Variants in SF3B1 observed in about 807,000 individuals in gnomAD.
SF3B1 encodes splicing factor 3b subunit 1.
Under a neutral mutation model 153.8 loss-of-function variants are expected in SF3B1, and 12 were observed. That is an observed-to-expected ratio of 0.08 (90% CI 0.05 to 0.13). The LOEUF is 0.13. Among genes scored for constraint, SF3B1 ranks in the 10% least tolerant of loss-of-function variants. The probability of loss-of-function intolerance (pLI) is 1.00; values close to 1 mark genes in which losing one functional copy is unlikely to be tolerated. For missense variants in SF3B1, 513 were observed against 1,606.1 expected (o/e 0.32, Z 11.63); for synonymous variants, 498 against 525.2 (o/e 0.95, Z 0.71).
intron 1 of SF3B1, among the ~76,000 whole-genome samples, chr2:197,434,532 T>C (rs925428513): frequency 5.3e-5 from 8 of 152,138 alleles, no homozygotes; most frequent in Non-Finnish European, 8.8e-5. Flanking sequence ...GGAATCTCGG[T>C]TTAACCAAAT....
At chr2:197,412,640 G>A (rs2085087743) in intron 6 of SF3B1, among the ~76,000 whole-genome samples, 1 of 151,592 alleles carries the variant, frequency 6.6e-6, no homozygotes, top group Non-Finnish European at 1.5e-5. Context: ...ACAGGCGTGA[G>A]CCACCGCGTC....
rs184750255 is a variant in SF3B1, at chr2:197,394,652, T to A, written c.3539+1404A>T. ...CGGGCACGGTGGCTCACGCCTGTAA[T>A]CCCAGCACTTTGGGATGCCAAGGCG... On this transcript the variant is annotated intron_variant, in intron 23 of 24. Coordinates refer to ENST00000335508, the MANE Select transcript of SF3B1 (RefSeq NM_012433.4). Among the ~76,000 whole-genome samples the A allele has an allele frequency of 4.1e-3, 619 of 152,320 alleles. 19 individuals carry two copies. The highest frequency in any genetic ancestry group is 0.036 in the Admixed American group (549 of 15,302).
intron 1 of SF3B1, among the ~76,000 whole-genome samples, chr2:197,425,494 T>C (rs1314303497): frequency 6.6e-6 from 1 of 151,232 alleles, no homozygotes; most frequent in East Asian, 2.0e-4. Context: ...ATAAATCAAA[T>C]AAAAAATAAA....
chr2:197,426,464 G>T (rs1002538662), intron 1 of SF3B1, among the ~76,000 whole-genome samples: 3 of 151,844 alleles, frequency 2.0e-5, no homozygotes, highest in Admixed American at 2.0e-4. Flanking sequence ...CCCAGCTTCA[G>T]GCTTTTTTTT....
intron 4 of SF3B1, chr2:197,418,902 G>A (rs772115505): frequency 1.3e-5 from 21 of 1,594,738 alleles, no homozygotes; most frequent in East Asian, 2.3e-5. Flanking sequence ...GTACACTTTC[G>A]TGCCTTTGTC....
intron 6 of SF3B1, among the ~76,000 whole-genome samples, chr2:197,414,831 C>A (rs192595320): frequency 1.3e-5 from 2 of 152,092 alleles, no homozygotes; most frequent in African/African-American, 2.4e-5. Flanking sequence ...ATGGTGAGAC[C>A]CGTTTCTACA....
rs1399160335 is a variant in SF3B1, at chr2:197,391,661, A to T, written c.*642T>A. 1 of 152,278 alleles carries T rather than the reference A, an allele frequency of 6.6e-6. No homozygotes were observed. 9.4% of individuals were successfully genotyped at this position (152,278 alleles called of 1,614,324 possible). A position where few individuals can be genotyped will look rare whatever the true frequency, so the allele number is the denominator to read the frequency against. On this transcript the variant is annotated 3_prime_UTR_variant, in exon 25 of 25. Transcript: ENST00000335508. ...ATGTGTTCATAAAGCATTTTGAGAA[A>T]TCAAGAGATGAAAGGCGCTATGTAA...
chr2:197,420,165 G>C (rs1574547758), intron 4 of SF3B1: 1 of 383,014 alleles, frequency 2.6e-6, no homozygotes, highest in Non-Finnish European at 4.8e-6. Flanking sequence ...CAAAACAAAA[G>C]TAAAAGTAAA....
At position 197,422,174 on chromosome 2, in the gene SF3B1, AC is replaced by A. The variant is rs201413421; in HGVS notation, c.196-1042del. ...CTTTCTTTTACAATTAGGGTATGAG[AC>A]CCCCAAATAAAGTGCTAACTAGTCC... On this transcript the variant is annotated intron_variant, in intron 2 of 24. Transcript: ENST00000335508. 9.2e-3 allele frequency among the ~76,000 whole-genome samples: 1,392 copies of A among 151,600 alleles called. 26 individuals carry two copies. Among genetic ancestry groups the A allele is most frequent in the African/African-American group, 0.032 (1,324 of 41,122 alleles).
intron 1 of SF3B1, among the ~76,000 whole-genome samples, chr2:197,432,427 T>A (rs891581654): frequency 1.2e-4 from 19 of 152,240 alleles, no homozygotes; most frequent in Admixed American, 1.2e-3. Context: ...ACACCTGACA[T>A]AATACGTGGA....
At chr2:197,418,712 G>A (rs890283006) in intron 4 of SF3B1, 124 bp from the exon 5 acceptor site, 2 of 1,444,280 alleles carry the variant, frequency 1.4e-6, no homozygotes, top group African/African-American at 1.4e-5. Flanking sequence ...ATTTTTTGAT[G>A]GAAAACTTTA....
In SF3B1 at chr2:197,396,154, C is replaced by T. The variant is rs2084872450; in HGVS notation, c.3441G>A (p.Val1147=). 1 of 1,613,882 alleles carries T rather than the reference C, an allele frequency of 6.2e-7. No individual in the cohort carries two copies. Among genetic ancestry groups the T allele is most frequent in the East Asian group, 2.2e-5 (1 of 44,836 alleles). The change falls in exon 23 of 25, where the codon GTG becomes GTA. Residue 1147 remains valine (V), a synonymous_variant. Transcript: ENST00000335508. ...CAAACAAGAAGGAAAGCGATTTTAA[C>T]ACTCCATTTTGAACATTCAGTTCAG... ...RVPELNVQNG[V]LKSLSFLFEY... is the part of the protein sequence containing the mutation.
intron 6 of SF3B1, among the ~76,000 whole-genome samples, chr2:197,413,013 C>G (rs2085094600): frequency 7.1e-6 from 1 of 141,800 alleles, no homozygotes; most frequent in African/African-American, 2.6e-5. Flanking sequence ...GCTCTTGTGT[C>G]TAGTTATGTG....
At chr2:197,420,295 T>C (rs1309174666) in intron 4 of SF3B1, 133 bp downstream of exon 4, 3 of 640,900 alleles carry the variant, frequency 4.7e-6, no homozygotes, top group South Asian at 2.0e-5. Flanking sequence ...ACCACATCTA[T>C]ACAAATCTAT....
chr2:197,420,404 T>G, intron 4 of SF3B1, 24 bp downstream of exon 4: 2 of 1,535,496 alleles, frequency 1.3e-6, no homozygotes, highest in Non-Finnish European at 1.8e-6. Flanking sequence ...TCTGAATACT[T>G]ATAGAAAAGT....
At chr2:197,410,068 A>G in intron 6 of SF3B1, 61 bp from the exon 7 acceptor site, 1 of 1,220,520 alleles carries the variant, frequency 8.2e-7, no homozygotes, top group Non-Finnish European at 1.2e-6. Context: ...GAAAATTTCC[A>G]TAAAATAAAA....
At chr2:197,406,204 G>C (rs1169473587) in intron 9 of SF3B1, among the ~76,000 whole-genome samples, 1 of 149,832 alleles carries the variant, frequency 6.7e-6, no homozygotes, top group African/African-American at 2.4e-5. Context: ...AGGAGTTTGA[G>C]ACCAGCCTTG....
In SF3B1 at chr2:197,401,706, A is replaced by G; in HGVS notation, c.2370+36T>C. ...TAAAATTCTGTTAGAACCATGAAAC[A>G]TATCCAGTTTACATTAACAAATCTG... On this transcript the variant is annotated intron_variant, in intron 16 of 24. Transcript: ENST00000335508. The surrounding 1 kb of genome is among the most constrained non-coding windows in gnomAD (Gnocchi z 4.2). The G allele has an allele frequency of 6.3e-7, 1 of 1,585,168 alleles. No homozygotes were observed. The highest frequency in any genetic ancestry group is 8.6e-7 in the Non-Finnish European group (1 of 1,163,744).
At chr2:197,418,746 T>C (rs914295774) in intron 4 of SF3B1, 158 bp from the exon 5 acceptor site, 60 of 1,454,902 alleles carry the variant, frequency 4.1e-5, no homozygotes, top group Non-Finnish European at 5.3e-5. Context: ...TTACTTTTTA[T>C]TGAGTTTGCT....
Sources: gnomAD v4.1 joint callset for allele counts (sites outside exome capture counted in the v4.1 genomes callset) on GRCh38, gnomAD v4.1.1 for gene constraint, Gnocchi (gnomAD v3.1) non-coding constraint, MANE v1.5 for transcripts, NCBI Gene and HGNC (gene_info 2026-07-23, HGNC 2026-07-21) for gene names.